ERP44: variants seen among roughly 807,000 people sequenced by gnomAD.
The protein encoded by ERP44 is endoplasmic reticulum resident protein 44.
In ERP44, 25 loss-of-function variants were observed where a neutral mutation model predicts 53.4. The ratio of observed to expected loss-of-function variants is 0.47; its 90% CI spans 0.34 to 0.65. ERP44 has a LOEUF of 0.65. Ranked by LOEUF, ERP44 falls within the 30% of genes least tolerant of loss-of-function variation. ERP44 has a pLI of 0.01. For synonymous variants in ERP44, 145 were observed against 161.2 expected, an observed-to-expected ratio of 0.90 and a Z score of 0.76; for missense variants, 338 against 493.2, an observed-to-expected ratio of 0.69 and a Z score of 2.98.
chr9:100,049,868 T>C (rs535485903), intron 4 of ERP44, among the ~76,000 whole-genome samples: 1 of 152,270 alleles, frequency 6.6e-6, no homozygotes, highest in South Asian at 2.1e-4. Flanking sequence ...ATCTGAATGT[T>C]CATAACAGCT....
At chr9:99,986,640 C>T (rs925225658) in intron 10 of ERP44, among the ~76,000 whole-genome samples, 1 of 152,118 alleles carries the variant, frequency 6.6e-6, no homozygotes, top group Non-Finnish European at 1.5e-5. Context: ...TTCTTCCCTT[C>T]AATAACTCCC....
intron 1 of ERP44, among the ~76,000 whole-genome samples, chr9:100,087,572 T>C (rs1826499597): frequency 6.6e-6 from 1 of 152,228 alleles, no homozygotes; most frequent in South Asian, 2.1e-4. Context: ...TCAGTCTCAT[T>C]AGCTGCCCCA....
At chr9:100,034,259 A>G (rs1825826553) in intron 4 of ERP44, among the ~76,000 whole-genome samples, 1 of 152,220 alleles carries the variant, frequency 6.6e-6, no homozygotes, top group South Asian at 2.1e-4. Flanking sequence ...CTCAGTGCTC[A>G]TTATGATAAT....
chr9:100,098,735 C>G, intron 1 of ERP44, 49 bp downstream of exon 1: 1 of 1,511,034 alleles, frequency 6.6e-7, no homozygotes, highest in South Asian at 1.1e-5. Context: ...GGGCGAGGGC[C>G]GGAGGCCGTT....
intron 11 of ERP44, among the ~76,000 whole-genome samples, chr9:99,984,352 G>A (rs1252308955): frequency 1.3e-5 from 2 of 151,854 alleles, no homozygotes; most frequent in African/African-American, 4.8e-5. Flanking sequence ...GTTTAGTACA[G>A]TAGGAACATA....
At chr9:99,985,127 C>T (rs184341870) in intron 10 of ERP44, 58 bp from the exon 11 acceptor site, 499 of 1,195,158 alleles carry the variant, frequency 4.2e-4, no homozygotes, top group Middle Eastern at 6.1e-4. Context: ...TCTATTTTAC[C>T]AACTTCACAG....
chr9:100,055,692 C>A lies in ERP44; in HGVS notation c.170+2128G>T, dbSNP rs141989259. 3.0e-4 allele frequency among the ~76,000 whole-genome samples: 45 copies of A among 152,324 alleles called. No individual in the cohort carries two copies. In the East Asian group the frequency reaches 8.7e-3, roughly 29 times the overall value. On this transcript the variant is annotated intron_variant, in intron 3 of 11. Transcript: ENST00000262455. Reference sequence around the variant, plus strand: ...AGCCATGTGATTATCCTACTTTGTACACCTCTATCAAAATATCTCATGTGC... The same window carrying A: ...AGCCATGTGATTATCCTACTTTGTAAACCTCTATCAAAATATCTCATGTGC...
chr9:100,083,321 A>G (rs1478436355), intron 1 of ERP44, among the ~76,000 whole-genome samples: 2 of 152,192 alleles, frequency 1.3e-5, no homozygotes, highest in African/African-American at 4.8e-5. Flanking sequence ...CTATGCCACT[A>G]TGAAAATAAA....
chr9:100,067,678 T>G (rs1299756645), intron 1 of ERP44, among the ~76,000 whole-genome samples: 4 of 150,276 alleles, frequency 2.7e-5, no homozygotes, highest in Non-Finnish European at 5.9e-5. Flanking sequence ...GGAGCCCCTC[T>G]GCCTGGCTGC....
At chr9:100,051,899 T>C (rs1826041870) in intron 4 of ERP44, among the ~76,000 whole-genome samples, 1 of 152,182 alleles carries the variant, frequency 6.6e-6, no homozygotes. Flanking sequence ...TTAATAATTA[T>C]AATCAGTTGC....
At position 100,060,153 on chromosome 9, in the gene ERP44, G is replaced by C; in HGVS notation, c.77C>G (p.Pro26Arg). The change falls in exon 2 of 12, where the codon CCT becomes CGT. Residue 26 changes from proline (P) to arginine (R), a missense_variant. Around this residue, in one of 3 missense-constraint regions of ERP44, gnomAD observed 224 missense variants for 301.4 expected, o/e 0.74. Transcript: ENST00000262455. ...AAGACTTGTTATTTCAGTTGTTACA[G>C]GAGTAAAAACCCAAGTTACCTGAAA... ...LLLLVTWVFT[P>R]VTTEITSLDT... 6.7e-7 allele frequency: 1 copy of C among 1,493,276 alleles called. No individual in the cohort carries two copies. Among genetic ancestry groups the C allele is most frequent in the Non-Finnish European group, 8.9e-7 (1 of 1,123,446 alleles). 92.5% of individuals were successfully genotyped at this position (1,493,276 alleles called of 1,614,324 possible). A position where few individuals can be genotyped will look rare whatever the true frequency, so the allele number is the denominator to read the frequency against.
At chr9:100,030,534 G>T (rs1346171623) in intron 4 of ERP44, among the ~76,000 whole-genome samples, 1 of 152,168 alleles carries the variant, frequency 6.6e-6, no homozygotes, top group Non-Finnish European at 1.5e-5. Flanking sequence ...AGCTTAGGAT[G>T]GTTAGAATAC....
intron 4 of ERP44, among the ~76,000 whole-genome samples, chr9:100,030,384 T>G (rs962675136): frequency 6.6e-6 from 1 of 151,852 alleles, no homozygotes; most frequent in South Asian, 2.1e-4. Flanking sequence ...TCTGGGTAAG[T>G]AGTGGGGTAT....
intron 1 of ERP44, among the ~76,000 whole-genome samples, chr9:100,088,653 A>T (rs777570079): frequency 1.3e-5 from 2 of 152,230 alleles, no homozygotes; most frequent in African/African-American, 4.8e-5. Flanking sequence ...TCATAAAATC[A>T]TAATAGTAGC....
intron 1 of ERP44, among the ~76,000 whole-genome samples, chr9:100,065,628 A>G (rs1414325749): frequency 6.6e-6 from 1 of 152,236 alleles, no homozygotes; most frequent in Non-Finnish European, 1.5e-5. Flanking sequence ...ATAAAGCTGC[A>G]TGGTGGAATA....
chr9:100,056,779 AAAG>A (rs1729010038), intron 3 of ERP44, among the ~76,000 whole-genome samples: 1 of 152,214 alleles, frequency 6.6e-6, no homozygotes, highest in Admixed American at 6.5e-5. Flanking sequence ...ATAGGAATTG[AAAG>A]AAGTTTAGTA....
chr9:100,077,921 A>G (rs778629489), intron 1 of ERP44, among the ~76,000 whole-genome samples: 1 of 152,172 alleles, frequency 6.6e-6, no homozygotes, highest in Admixed American at 6.5e-5. Context: ...TGGCCCAGAC[A>G]CTTCAGGAAT....
intron 8 of ERP44, among the ~76,000 whole-genome samples, chr9:100,012,300 A>G (rs1437124149): frequency 6.6e-6 from 1 of 152,212 alleles, no homozygotes; most frequent in Non-Finnish European, 1.5e-5. Context: ...ATAGAGCCTG[A>G]TAAGTTTATG....
At chr9:99,999,166 G>C (rs4495492) in intron 10 of ERP44, 327,880 of 507,758 alleles carry the variant, frequency 0.65, 106,523 homozygotes, top group East Asian at 0.92. Context: ...TCCGCCCCCC[G>C]ACCCTGTCCC....
Sources: gnomAD v4.1 joint callset for allele counts (sites outside exome capture counted in the v4.1 genomes callset) on GRCh38, gnomAD v4.1.1 for gene constraint, gnomAD v4.1.1 regional missense constraint, MANE v1.5 for transcripts, NCBI Gene and HGNC (gene_info 2026-07-23, HGNC 2026-07-21) for gene names.